Variants in RSPH14 observed in about 807,000 individuals in gnomAD.
RSPH14 encodes rhabdoid tumor deletion region gene 1.
Under a neutral mutation model 26.7 loss-of-function variants are expected in RSPH14, and 20 were observed. The ratio of observed to expected loss-of-function variants is 0.75; its 90% CI spans 0.53 to 1.09. The LOEUF (loss-of-function observed/expected upper bound fraction) is 1.09. RSPH14 is among the 50% of genes least tolerant of loss of function. The pLI is 0.00. For synonymous variants in RSPH14, 177 were observed against 189.3 expected (o/e 0.93, Z 0.53); for missense variants, 449 against 457.2 (o/e 0.98, Z 0.16).
rs1380189277 is a variant in RSPH14, at chr22:23,071,746, TG to T, written c.422-7614del. Among the ~76,000 whole-genome samples, 1 of 152,082 alleles carries T rather than the reference TG, an allele frequency of 6.6e-6. No homozygotes were observed. Among genetic ancestry groups the T allele is most frequent in the Non-Finnish European group, 1.5e-5 (1 of 68,004 alleles). Reference sequence around the variant, plus strand: ...GGGACCTCAGAGTGGTGTCCTGGGCTGGGGGGTCAGGTGAGCTCGTGGGCAA... The same window carrying T: ...GGGACCTCAGAGTGGTGTCCTGGGCTGGGGGTCAGGTGAGCTCGTGGGCAA... On this transcript the variant is annotated intron_variant, in intron 4 of 6. Transcript: ENST00000216036. This position sits in a 1 kb window ranked among gnomAD's most constrained non-coding sequence, Gnocchi z 4.1.
At chr22:23,150,638 C>T in the RSPH14 span, among the ~76,000 whole-genome samples, 10 of 152,256 alleles carry the variant, frequency 6.6e-5, no homozygotes, top group South Asian at 2.1e-3. Context: ...AGTTAACACA[C>T]CTGCCATATG....
At chr22:23,128,916 C>T (rs914265966) in intron 4 of RSPH14, among the ~76,000 whole-genome samples, 31 of 152,318 alleles carry the variant, frequency 2.0e-4, no homozygotes, top group Admixed American at 1.6e-3. Context: ...ATGGTGAAAA[C>T]GGCCTTCCAG....
At chr22:23,108,510 C>A (rs1424897696) in intron 4 of RSPH14, among the ~76,000 whole-genome samples, 1 of 152,264 alleles carries the variant, frequency 6.6e-6, no homozygotes, top group African/African-American at 2.4e-5. Context: ...GCCTGGATTA[C>A]ACAGCCTGCC....
chr22:23,100,123 C>G (rs948530227), intron 4 of RSPH14, among the ~76,000 whole-genome samples: 1 of 152,236 alleles, frequency 6.6e-6, no homozygotes, highest in African/African-American at 2.4e-5. Flanking sequence ...TGTGCAGGCT[C>G]AAGGCTCAGG....
At chr22:23,076,871 C>G (rs900817438) in intron 4 of RSPH14, among the ~76,000 whole-genome samples, 1 of 152,230 alleles carries the variant, frequency 6.6e-6, no homozygotes, top group Non-Finnish European at 1.5e-5. Context: ...GGGAAGGCAC[C>G]AGGCCTGGGT....
intron 4 of RSPH14, among the ~76,000 whole-genome samples, chr22:23,065,533 G>GAAA (rs2068189096): frequency 1.4e-4 from 1 of 7,204 alleles, no homozygotes; most frequent in African/African-American, 6.7e-4. Context: ...TGCACAGATT[G>GAAA]CAAAAAAAAA....
At chr22:23,097,917 G>A (rs922358884) in intron 4 of RSPH14, among the ~76,000 whole-genome samples, 1 of 152,270 alleles carries the variant, frequency 6.6e-6, no homozygotes, top group Non-Finnish European at 1.5e-5. Flanking sequence ...CGGGCACCAG[G>A]CCTGGCTCCC....
At chr22:23,118,930 C>A (rs996279983) in intron 4 of RSPH14, among the ~76,000 whole-genome samples, 3 of 152,200 alleles carry the variant, frequency 2.0e-5, no homozygotes, top group African/African-American at 7.2e-5. Context: ...CCCAGGGGAG[C>A]CCACAAAGGC....
chr22:23,180,056 A>AG, the RSPH14 span: 4 of 351,308 alleles, frequency 1.1e-5, no homozygotes, highest in Non-Finnish European at 1.1e-5. Context: ...GTAGGGGCAG[A>AG]GGGGGGAGGT....
chr22:23,169,683 C>T, the RSPH14 span, among the ~76,000 whole-genome samples: 1 of 152,094 alleles, frequency 6.6e-6, no homozygotes, highest in Admixed American at 6.5e-5. Context: ...AGAAATCACG[C>T]TGAAGGACCT....
At chr22:23,085,358 C>T (rs1297695126) in intron 4 of RSPH14, among the ~76,000 whole-genome samples, 2 of 152,176 alleles carry the variant, frequency 1.3e-5, no homozygotes, top group Non-Finnish European at 2.9e-5. Flanking sequence ...CACCATGTCC[C>T]CCTGTCCCCA....
chr22:23,173,796 C>A, the RSPH14 span, among the ~76,000 whole-genome samples: 15 of 152,220 alleles, frequency 9.9e-5, no homozygotes, highest in East Asian at 2.9e-3. Context: ...AAACGTCCAT[C>A]TCCTGGGTTC....
chr22:23,096,619 T>C (rs945983349), intron 4 of RSPH14, among the ~76,000 whole-genome samples: 1 of 152,078 alleles, frequency 6.6e-6, no homozygotes, highest in Non-Finnish European at 1.5e-5. Context: ...TCATGTCCCA[T>C]GCCTGAAGTA....
At chr22:23,177,949 G>A in the RSPH14 span, among the ~76,000 whole-genome samples, 1 of 152,142 alleles carries the variant, frequency 6.6e-6, no homozygotes, top group Non-Finnish European at 1.5e-5. Flanking sequence ...ACAGGCACGA[G>A]GCACCATGCC....
rs1440148843 is a variant in RSPH14, at chr22:23,096,551, T to C, written c.422-32418A>G. On this transcript the variant is annotated intron_variant, in intron 4 of 6. Transcript: ENST00000216036. Reference sequence around the variant, plus strand: ...GCGCAGGCCTGGCCCTGCTGCACGATAACTGAGGCAGCTCCAGCAAGGTGG... The same window carrying C: ...GCGCAGGCCTGGCCCTGCTGCACGACAACTGAGGCAGCTCCAGCAAGGTGG... 4.3e-6 allele frequency: 4 copies of C among 921,368 alleles called. No individual in the cohort carries two copies. In the Admixed American group the frequency reaches 6.9e-5, roughly 16 times the overall value. The allele number at this position is 921,368 out of a possible 1,614,324, so 57.1% of individuals were successfully genotyped here.
At chr22:23,179,527 G>A in the RSPH14 span, among the ~76,000 whole-genome samples, 1 of 152,182 alleles carries the variant, frequency 6.6e-6, no homozygotes, top group Admixed American at 6.5e-5. Context: ...CTTAGAGGGA[G>A]GCTAATCAGG....
chr22:23,074,162 A>G (rs2068449001), intron 4 of RSPH14, among the ~76,000 whole-genome samples: 1 of 152,114 alleles, frequency 6.6e-6, no homozygotes, highest in Non-Finnish European at 1.5e-5. Context: ...TGGAGCAGAG[A>G]AGAGACTGGA....
Position 23,094,578 on chromosome 22 carries a change from CT to C in RSPH14, c.422-30446del, listed in dbSNP as rs2069071856. On this transcript the variant is annotated intron_variant, in intron 4 of 6. Transcript: ENST00000216036. The stretch of plus-strand genomic sequence containing the variant: ...CTCCTTGGTCTCAGCCCAAGCCCCC[CT>C]CTACCTCCTTCTGCAGGAGTGAGGC... Among the ~76,000 whole-genome samples the C allele has an allele frequency of 2.0e-5, 3 of 152,342 alleles. No homozygotes were observed. The South Asian group carries it at 6.2e-4, about 32-fold the overall frequency.
the RSPH14 span, chr22:23,161,696 T>C: frequency 1.3e-6 from 1 of 760,862 alleles, no homozygotes; most frequent in Non-Finnish European, 2.1e-6. Flanking sequence ...TTCCAGTCCC[T>C]CCACCCACCC....
Sources: allele counts gnomAD v4.1 joint callset (sites outside exome capture counted in the v4.1 genomes callset), GRCh38; gene constraint gnomAD v4.1.1; non-coding constraint Gnocchi (gnomAD v3.1); transcripts MANE v1.5; gene names NCBI Gene and HGNC (gene_info 2026-07-23, HGNC 2026-07-21).